SOX5: variants seen among roughly 807,000 people sequenced by gnomAD.
The protein encoded by SOX5 is transcription factor SOX-5.
Under a neutral mutation model 92.0 loss-of-function variants are expected in SOX5, and 9 were observed. That is an observed-to-expected ratio of 0.10 (90% CI 0.06 to 0.17). The LOEUF (loss-of-function observed/expected upper bound fraction) is 0.17, where lower values mean the gene tolerates loss of function less well. Ranked by LOEUF, SOX5 falls within the 10% of genes least tolerant of loss-of-function variation. The pLI, the probability that SOX5 is intolerant of heterozygous loss-of-function variation, is 1.00. For synonymous variants in SOX5, 344 were observed against 336.3 expected (o/e 1.02, Z -0.25); for missense variants, 642 against 944.5 (o/e 0.68, Z 4.20).
chr12:24,408,539 G>A (rs988530113), intron 1 of SOX5, among the ~76,000 whole-genome samples: 4 of 151,940 alleles, frequency 2.6e-5, no homozygotes, highest in South Asian at 2.1e-4. Context: ...ACTTGTTTCC[G>A]CTCCACCCCA....
rs1166217062 is a variant in SOX5, at chr12:23,529,676, C to A, written c.*4543G>T. On this transcript the variant is annotated 3_prime_UTR_variant, in exon 15 of 15. Coordinates refer to ENST00000451604, the MANE Select transcript of SOX5 (RefSeq NM_006940.6). Reference sequence around the variant, plus strand: ...AACTCCTGTTTTATTTTTATTGTGGCATGAATGATAACATAAAACCAAAAA... The same window carrying A: ...AACTCCTGTTTTATTTTTATTGTGGAATGAATGATAACATAAAACCAAAAA... 6.6e-6 allele frequency: 1 copy of A among 151,850 alleles called. No individual in the cohort carries two copies. Among genetic ancestry groups the A allele is most frequent in the Non-Finnish European group, 1.5e-5 (1 of 67,952 alleles). The allele number at this position is 151,850 out of a possible 1,614,324, so 9.4% of individuals were successfully genotyped here.
chr12:23,711,981 A>G (rs1429408535), intron 6 of SOX5, among the ~76,000 whole-genome samples: 2 of 152,190 alleles, frequency 1.3e-5, no homozygotes, highest in African/African-American at 4.8e-5. Context: ...AAGATATATT[A>G]TCTGTATCTT....
At position 23,704,612 on chromosome 12, in the gene SOX5, A is replaced by C. The variant is rs557571298; in HGVS notation, c.810+30072T>G. Among the ~76,000 whole-genome samples the C allele has an allele frequency of 8.7e-5, 13 of 149,584 alleles. No homozygotes were observed. The East Asian group carries it at 2.6e-3, about 30-fold the overall frequency. On this transcript the variant is annotated intron_variant, in intron 6 of 14. Transcript: ENST00000451604. ...CAACTGACAGAAATCTCAGGTCTGC[A>C]TTCCCCTGTGATATAATGAAATAAA...
intron 10 of SOX5, among the ~76,000 whole-genome samples, chr12:23,570,930 AATATATAT>A (rs1164831816): frequency 6.1e-3 from 121 of 19,862 alleles, no homozygotes; most frequent in African/African-American, 0.018. Flanking sequence ...AAAAAAAAAA[AATATATAT>A]ATATATATAT....
At chr12:23,568,626 T>C (rs1480845219) in intron 10 of SOX5, among the ~76,000 whole-genome samples, 1 of 152,126 alleles carries the variant, frequency 6.6e-6, no homozygotes, top group Non-Finnish European at 1.5e-5. Flanking sequence ...CCTCTTTCTA[T>C]ATTCCATAGA....
chr12:24,445,337 G>A (rs1000542469), intron 1 of SOX5, among the ~76,000 whole-genome samples: 40 of 152,122 alleles, frequency 2.6e-4, no homozygotes, highest in African/African-American at 8.7e-4. Flanking sequence ...TTAAAATTAT[G>A]TGACTGTGTA....
At chr12:24,359,376 T>C (rs775703891) in intron 2 of SOX5, among the ~76,000 whole-genome samples, 9 of 152,164 alleles carry the variant, frequency 5.9e-5, no homozygotes, top group Non-Finnish European at 1.2e-4. Flanking sequence ...ATGGATGAGT[T>C]AGGACACACA....
At chr12:24,364,495 CAACTT>C (rs1955937752) in intron 2 of SOX5, among the ~76,000 whole-genome samples, 1 of 125,704 alleles carries the variant, frequency 8.0e-6, no homozygotes, top group South Asian at 2.5e-4. Flanking sequence ...CAAAACTGAA[CAACTT>C]AACATTTTTT....
intron 3 of SOX5, among the ~76,000 whole-genome samples, chr12:24,241,097 T>TTG (rs71059993): frequency 0.22 from 33,241 of 151,976 alleles, 3,715 homozygotes; most frequent in African/African-American, 0.28. Flanking sequence ...AGGCCTAAGC[T>TTG]TGTGTGGACA....
At chr12:24,361,500 A>G (rs1248696488) in intron 2 of SOX5, among the ~76,000 whole-genome samples, 1 of 152,174 alleles carries the variant, frequency 6.6e-6, no homozygotes, top group Non-Finnish European at 1.5e-5. Context: ...ATACAAGCAA[A>G]GCCCAAGAAC....
chr12:23,680,739 T>A (rs990148832), intron 6 of SOX5, among the ~76,000 whole-genome samples: 4 of 152,056 alleles, frequency 2.6e-5, no homozygotes, highest in African/African-American at 9.7e-5. Flanking sequence ...AAGGCAAAGA[T>A]AAACCTTAAA....
chr12:24,263,954 T>A (rs1942639970), intron 3 of SOX5, among the ~76,000 whole-genome samples: 1 of 152,230 alleles, frequency 6.6e-6, no homozygotes, highest in South Asian at 2.1e-4. Flanking sequence ...AAACAGCTTC[T>A]GGGCAAATGA....
intron 3 of SOX5, among the ~76,000 whole-genome samples, chr12:23,807,274 T>G (rs1477455883): frequency 3.9e-5 from 6 of 152,210 alleles, no homozygotes; most frequent in Non-Finnish European, 8.8e-5. Flanking sequence ...GCGAAAATTC[T>G]AATACCCAGC....
intron 10 of SOX5, among the ~76,000 whole-genome samples, chr12:23,567,464 ATTTTTTTTT>A (rs35620007): frequency 1.7e-5 from 2 of 119,154 alleles, no homozygotes; most frequent in Non-Finnish European, 3.3e-5. Flanking sequence ...ATTTGATTTG[ATTTTTTTTT>A]TTTTTTTTTT....
intron 4 of SOX5, among the ~76,000 whole-genome samples, chr12:24,068,798 C>G (rs1296121920): frequency 7.1e-6 from 1 of 141,614 alleles, no homozygotes; most frequent in Non-Finnish European, 1.5e-5. Context: ...ATAGGTATTA[C>G]TATCACCACT....
chr12:23,894,168 G>C (rs929232117), intron 2 of SOX5, among the ~76,000 whole-genome samples: 1 of 151,996 alleles, frequency 6.6e-6, no homozygotes, highest in African/African-American at 2.4e-5. Flanking sequence ...ATACCATCAA[G>C]AAGTGCTATC....
At chr12:24,044,038 GTCA>G (rs1356710494) in intron 4 of SOX5, among the ~76,000 whole-genome samples, 1 of 152,058 alleles carries the variant, frequency 6.6e-6, no homozygotes, top group African/African-American at 2.4e-5. Flanking sequence ...CAAATAAATT[GTCA>G]TCATTGTTGT....
At chr12:24,181,941 T>C (rs1027155143) in intron 4 of SOX5, among the ~76,000 whole-genome samples, 1 of 152,212 alleles carries the variant, frequency 6.6e-6, no homozygotes, top group East Asian at 1.9e-4. Context: ...TCTCCATGTG[T>C]ATACCATGTG....
At chr12:23,776,929 A>C (rs1354869101) in intron 3 of SOX5, among the ~76,000 whole-genome samples, 1 of 152,134 alleles carries the variant, frequency 6.6e-6, no homozygotes, top group Non-Finnish European at 1.5e-5. Flanking sequence ...ATATAGCCTT[A>C]TTGTCACTTC....
Sources: allele counts gnomAD v4.1 joint callset (sites outside exome capture counted in the v4.1 genomes callset), GRCh38; gene constraint gnomAD v4.1.1; transcripts MANE v1.5; gene names NCBI Gene and HGNC (gene_info 2026-07-23, HGNC 2026-07-21).